Variants in HNRNPUL2 observed in about 807,000 individuals in gnomAD.
HNRNPUL2 encodes heterogeneous nuclear ribonucleoprotein U like 2, also known as heterogeneous nuclear ribonucleoprotein U-like protein 2.
A neutral mutation model predicts 102.2 loss-of-function variants in HNRNPUL2; 27 were observed. The observed-to-expected ratio is 0.26, with a 90% CI of 0.19 to 0.36. The LOEUF is 0.36. Among genes scored for constraint, HNRNPUL2 ranks in the 10% least tolerant of loss-of-function variants. HNRNPUL2 has a pLI of 1.00. For missense variants in HNRNPUL2, 936 were observed against 981.1 expected (o/e 0.95, Z 0.61); for synonymous variants, 458 against 387.2 (o/e 1.18, Z -2.15).
In HNRNPUL2 at chr11:62,726,660, G is replaced by A. The variant is rs780595579; in HGVS notation, c.497C>T (p.Pro166Leu). The A allele has an allele frequency of 7.5e-6, 12 of 1,598,388 alleles. No individual in the cohort carries two copies. Among genetic ancestry groups the A allele is most frequent in the East Asian group, 6.7e-5 (3 of 44,738 alleles). Residue 166 changes from proline (P) to leucine (L), a missense_variant, in exon 1 of 14, where the codon CCG (proline) becomes CTG (leucine). Physicochemically the swap from Pro to Leu is moderately conservative, Grantham distance 98. This residue lies in a region of HNRNPUL2 where 327 missense variants were observed against 268.1 expected (regional missense o/e 1.22). Coordinates refer to ENST00000301785, the MANE Select transcript of HNRNPUL2 (RefSeq NM_001079559.3). ...EPEERSGDETPGSEVPGDKAA... is the reference protein window; with the variant it reads ...EPEERSGDETLGSEVPGDKAA... ...CTTGTCACCCGGCACCTCGGATCCCGGCGTCTCGTCCCCGCTCCGCTCCTC... is the reference window on the plus strand; with the variant it reads ...CTTGTCACCCGGCACCTCGGATCCCAGCGTCTCGTCCCCGCTCCGCTCCTC...
In HNRNPUL2 at chr11:62,720,078, C is replaced by G. The variant is rs780182599; in HGVS notation, c.1725G>C (p.Leu575Phe). 32 of 1,614,098 alleles carry G rather than the reference C, an allele frequency of 2.0e-5. No individual in the cohort carries two copies. The highest frequency in any genetic ancestry group is 2.7e-5 in the Non-Finnish European group (32 of 1,180,040). Residue 575 changes from leucine (L) to phenylalanine (F), a missense_variant, in exon 10 of 14, where the codon TTG becomes TTC. This residue lies in a region of HNRNPUL2 where 609 missense variants were observed against 713.0 expected (regional missense o/e 0.85). Coordinates refer to ENST00000301785, the MANE Select transcript of HNRNPUL2 (RefSeq NM_001079559.3). The stretch of plus-strand genomic sequence containing the variant: ...CATCATCTCCCTCTACTTCCTTCCT[C>G]AACTCCAGCCTCTTCTTCCAATCTT... ...NEEDWKKRLE[L>F]RKEVEGDDVP... is the part of the protein sequence containing the mutation.
Position 62,713,441 on chromosome 11 carries a change from C to G in HNRNPUL2, c.*1858G>C, listed in dbSNP as rs897485099. 2.0e-5 allele frequency: 3 copies of G among 152,204 alleles called. No homozygotes were observed. The highest frequency in any genetic ancestry group is 4.1e-4 in the South Asian group (2 of 4,828). The allele number at this position is 152,204 out of a possible 1,614,324, so 9.4% of individuals were successfully genotyped here. A position where few individuals can be genotyped will look rare whatever the true frequency, so the allele number is the denominator to read the frequency against. Reference sequence around the variant, plus strand: ...AAAGTTAATGTGTTACAGAAAAATTCATGCAATCACTCCACTGCCACACAG... The same window carrying G: ...AAAGTTAATGTGTTACAGAAAAATTGATGCAATCACTCCACTGCCACACAG... On this transcript the variant is annotated 3_prime_UTR_variant, in exon 14 of 14. Coordinates refer to ENST00000301785, the MANE Select transcript of HNRNPUL2 (RefSeq NM_001079559.3).
rs898526679 is a variant in HNRNPUL2, at chr11:62,714,621, C to G, written c.*678G>C. The G allele has an allele frequency of 6.6e-6, 1 of 152,334 alleles. No homozygotes were observed. Among genetic ancestry groups the G allele is most frequent in the African/African-American group, 2.4e-5 (1 of 41,432 alleles). The allele number at this position is 152,334 out of a possible 1,614,324, so 9.4% of individuals were successfully genotyped here. On this transcript the variant is annotated 3_prime_UTR_variant, in exon 14 of 14. Transcript: ENST00000301785. ...CCTGTAAAATAGAACCACCCACTGGCAGTCTCCATGCCTCAGCCAAACAGC... is the reference window on the plus strand; with the variant it reads ...CCTGTAAAATAGAACCACCCACTGGGAGTCTCCATGCCTCAGCCAAACAGC...
chr11:62,727,371 A>G lies in HNRNPUL2; in HGVS notation c.-215T>C. 1 of 526,444 alleles carries G rather than the reference A, an allele frequency of 1.9e-6. No homozygotes were observed. Among genetic ancestry groups the G allele is most frequent in the East Asian group, 4.4e-5 (1 of 22,914 alleles). The allele number at this position is 526,444 out of a possible 1,614,324, so 32.6% of individuals were successfully genotyped here. On this transcript the variant is annotated 5_prime_UTR_variant, in exon 1 of 14. Coordinates refer to ENST00000301785, the MANE Select transcript of HNRNPUL2 (RefSeq NM_001079559.3). ...TCGTCTCCCCTCCCCCTTTCGGCTC[A>G]CGGAGCCCAAAACAACGCAGCAGGG...
Position 62,722,356 on chromosome 11 carries a change from G to T in HNRNPUL2, c.1120C>A (p.Leu374Ile). The T allele has an allele frequency of 6.2e-7, 1 of 1,613,910 alleles. No individual in the cohort carries two copies. The highest frequency in any genetic ancestry group is 8.5e-7 in the Non-Finnish European group (1 of 1,179,856). ...TCTTCTCCATTCTTGGAGAAGGAAA[G>T]TTCTACTTCTTCAGTCTCAAAATTC... ...FANFETEEVELSFSKNGEDLG... is the reference protein window; with the variant it reads ...FANFETEEVEISFSKNGEDLG... Residue 374 changes from leucine to isoleucine, a missense_variant, in exon 7 of 14, where the codon CTT becomes ATT. This residue lies in a region of HNRNPUL2 where 609 missense variants were observed against 713.0 expected (regional missense o/e 0.85). Transcript: ENST00000301785.
Position 62,717,086 on chromosome 11 carries a change from C to T in HNRNPUL2, c.1884G>A (p.Glu628=), listed in dbSNP as rs1438159552. The change falls in exon 11 of 14, where the codon GAG becomes GAA. Residue 628 remains glutamate (E), a synonymous_variant. Transcript: ENST00000301785. ...CGGAGGGGGGCAGAAGCTTCCTTGC[C>T]TCCTCCTTGTACTTAGTGACAATGG... ...AQPIVTKYKE[E]ARKLLPPSEK... 3.7e-6 allele frequency: 6 copies of T among 1,614,066 alleles called. No individual in the cohort carries two copies. Among genetic ancestry groups the T allele is most frequent in the African/African-American group, 2.7e-5 (2 of 74,918 alleles).
At position 62,723,959 on chromosome 11, in the gene HNRNPUL2, C is replaced by T. The variant is rs1464008833; in HGVS notation, c.706G>A (p.Ala236Thr). 10 of 1,613,934 alleles carry T rather than the reference C, an allele frequency of 6.2e-6. No homozygotes were observed. The highest frequency in any genetic ancestry group is 2.7e-5 in the African/African-American group (2 of 74,928). ...SKSPLPPEEE[A>T]KDEEEDQTLV... ...GTTTGATCCTCCTCCTCATCTTTTG[C>T]CTCTTCTTCAGGAGGCAGTGGAGAC... The change falls in exon 3 of 14, where the codon GCA becomes ACA. Residue 236 changes from alanine (A) to threonine (T), a missense_variant. Physicochemically the swap from Ala to Thr is moderately conservative, Grantham distance 58. Coordinates refer to ENST00000301785, the MANE Select transcript of HNRNPUL2 (RefSeq NM_001079559.3).
chr11:62,715,385 A>G lies in HNRNPUL2; in HGVS notation c.2164-6T>C, dbSNP rs1182270659. On this transcript the variant is annotated splice_polypyrimidine_tract_variant and splice_region_variant and intron_variant, in intron 13 of 13. Coordinates refer to ENST00000301785, the MANE Select transcript of HNRNPUL2 (RefSeq NM_001079559.3). The stretch of plus-strand genomic sequence containing the variant: ...TGGTAGTAGTAACTCTGCCACTAGA[A>G]GAGAGGGAAACCCCATCACTTGGAG... 3 of 1,612,284 alleles carry G rather than the reference A, an allele frequency of 1.9e-6. No homozygotes were observed.
At chr11:62,717,918 T>G (rs1010054925) in intron 10 of HNRNPUL2, among the ~76,000 whole-genome samples, 2 of 152,236 alleles carry the variant, frequency 1.3e-5, no homozygotes, top group African/African-American at 4.8e-5. Context: ...TCTGCCAGTC[T>G]CTGGACGTCA....
At position 62,724,846 on chromosome 11, in the gene HNRNPUL2, T is replaced by C. The variant is rs2083731968; in HGVS notation, c.539-420A>G. 3.9e-5 allele frequency among the ~76,000 whole-genome samples: 6 copies of C among 152,344 alleles called. No individual in the cohort carries two copies. The South Asian group carries it at 1.2e-3, about 32-fold the overall frequency. ...GTTAGTACATATTTTGTAACACTTT[T>C]CCACACCTTCATGATACAGAGAAGC... On this transcript the variant is annotated intron_variant, in intron 1 of 13. Coordinates refer to ENST00000301785, the MANE Select transcript of HNRNPUL2 (RefSeq NM_001079559.3).
At position 62,715,303 on chromosome 11, in the gene HNRNPUL2, C is replaced by G. The variant is rs755048681; in HGVS notation, c.2240G>C (p.Arg747Pro). The change falls in exon 14 of 14, where the codon CGG (arginine) becomes CCG (proline). Residue 747 changes from arginine to proline, a missense_variant. By Grantham distance (103) the Arg-to-Pro change is moderately radical. Around this residue, in one of 2 missense-constraint regions of HNRNPUL2, gnomAD observed 609 missense variants for 713.0 expected, o/e 0.85. Coordinates refer to ENST00000301785, the MANE Select transcript of HNRNPUL2 (RefSeq NM_001079559.3). Reference protein sequence around the residue: ...YRNYYGYQGYR With the variant: ...YRNYYGYQGYP Reference sequence around the variant, plus strand: ...CAGGTGACCATGGCAGGGGCTTCACCGATACCCTTGGTACCCGTAGTAATT... The same window carrying G: ...CAGGTGACCATGGCAGGGGCTTCACGGATACCCTTGGTACCCGTAGTAATT... 3.1e-6 allele frequency: 5 copies of G among 1,611,988 alleles called. No homozygotes were observed. The highest frequency in any genetic ancestry group is 4.2e-6 in the Non-Finnish European group (5 of 1,179,132).
rs1340874572 is a variant in HNRNPUL2, at chr11:62,721,955, G to C, written c.1360-13C>G. 1.2e-6 allele frequency: 2 copies of C among 1,612,662 alleles called. No homozygotes were observed. The highest frequency in any genetic ancestry group is 3.4e-5 in the Admixed American group (2 of 59,510). On this transcript the variant is annotated splice_polypyrimidine_tract_variant and intron_variant, in intron 7 of 13. Coordinates refer to ENST00000301785, the MANE Select transcript of HNRNPUL2 (RefSeq NM_001079559.3). The stretch of plus-strand genomic sequence containing the variant: ...CCATCAGAATCACCTGCAAAAAACA[G>C]AACCAGAAATATAATGAAAAATAAA...
Position 62,724,285 on chromosome 11 carries a change from C to G in HNRNPUL2, c.674+6G>C. The G allele has an allele frequency of 6.2e-7, 1 of 1,614,100 alleles. No individual in the cohort carries two copies. Among genetic ancestry groups the G allele is most frequent in the Non-Finnish European group, 8.5e-7 (1 of 1,179,994 alleles). Reference sequence around the variant, plus strand: ...TCCCTTCAACGAAAGGGACTGTTTCCCTCACCGGCTGTGGTAAGCCTCCTC... The same window carrying G: ...TCCCTTCAACGAAAGGGACTGTTTCGCTCACCGGCTGTGGTAAGCCTCCTC... On this transcript the variant is annotated splice_donor_region_variant and intron_variant, in intron 2 of 13. Transcript: ENST00000301785.
At chr11:62,718,903 G>A (rs1337200809) in intron 10 of HNRNPUL2, among the ~76,000 whole-genome samples, 5 of 150,666 alleles carry the variant, frequency 3.3e-5, no homozygotes, top group East Asian at 2.0e-4. Context: ...CCAGCTCACC[G>A]CAAACTCTGC....
At position 62,724,321 on chromosome 11, in the gene HNRNPUL2, T is replaced by C. The variant is rs1406999643; in HGVS notation, c.644A>G (p.Tyr215Cys). The C allele has an allele frequency of 2.5e-6, 4 of 1,614,086 alleles. No individual in the cohort carries two copies. Among genetic ancestry groups the C allele is most frequent in the African/African-American group, 1.3e-5 (1 of 74,922 alleles). ...GTGGTAAGCCTCCTCTCGGAATTCA[T>C]AGTAAGCTCGGCCATGTTCATCCTT... ...DEKDEHGRAY[Y>C]EFREEAYHSR... Residue 215 changes from tyrosine (Y) to cysteine (C), a missense_variant, in exon 2 of 14, where the codon TAT (tyrosine) becomes TGT (cysteine). Physicochemically the swap from Tyr to Cys is radical, Grantham distance 194. Coordinates refer to ENST00000301785, the MANE Select transcript of HNRNPUL2 (RefSeq NM_001079559.3).
chr11:62,721,859 G>A lies in HNRNPUL2; in HGVS notation c.1443C>T (p.Tyr481=). The A allele has an allele frequency of 6.2e-7, 1 of 1,614,136 alleles. No homozygotes were observed. Among genetic ancestry groups the A allele is most frequent in the Non-Finnish European group, 8.5e-7 (1 of 1,180,008 alleles). ...KYAKENPEKR[Y]NVLGAETVLN... ...GCACAGTCTCAGCTCCCAGGACATTGTATCTTTTCTCAGGGTTTTCTTTTG... is the reference window on the plus strand; with the variant it reads ...GCACAGTCTCAGCTCCCAGGACATTATATCTTTTCTCAGGGTTTTCTTTTG... The change falls in exon 8 of 14, where the codon TAC becomes TAT. Residue 481 remains tyrosine, a synonymous_variant. Transcript: ENST00000301785.
In HNRNPUL2 at chr11:62,713,145, C is replaced by T. The variant is rs2083632088; in HGVS notation, c.*2154G>A. The T allele has an allele frequency of 1.3e-5, 2 of 152,120 alleles. No homozygotes were observed. The highest frequency in any genetic ancestry group is 6.6e-5 in the Admixed American group (1 of 15,266). 9.4% of individuals were successfully genotyped at this position (152,120 alleles called of 1,614,324 possible). ...TCAAATATCAACAGCGAGTACCTCC[C>T]CTAACCCCTGCTGGAAAAAAACTCA... On this transcript the variant is annotated 3_prime_UTR_variant, in exon 14 of 14. Coordinates refer to ENST00000301785, the MANE Select transcript of HNRNPUL2 (RefSeq NM_001079559.3).
rs1291424876 is a variant in HNRNPUL2 at position 62,727,405 on chromosome 11, C to T, written c.-249G>A. The T allele has an allele frequency of 8.0e-6, 3 of 377,266 alleles. No homozygotes were observed. Among genetic ancestry groups the T allele is most frequent in the Non-Finnish European group, 1.3e-5 (3 of 229,966 alleles). The allele number at this position is 377,266 out of a possible 1,614,324, so 23.4% of individuals were successfully genotyped here. ...AAAACAACGCAGCAGGGAGCTGTTTCCCCTCCAGGCCCTTGGTTCCCCAGC... is the reference window on the plus strand; with the variant it reads ...AAAACAACGCAGCAGGGAGCTGTTTTCCCTCCAGGCCCTTGGTTCCCCAGC... On this transcript the variant is annotated 5_prime_UTR_variant, in exon 1 of 14. Coordinates refer to ENST00000301785, the MANE Select transcript of HNRNPUL2 (RefSeq NM_001079559.3).
intron 12 of HNRNPUL2, 77 bp from the exon 13 acceptor site, chr11:62,715,684 G>A (rs2134767441): frequency 2.6e-6 from 3 of 1,165,572 alleles, no homozygotes; most frequent in South Asian, 2.4e-5. Flanking sequence ...CCTTTTAAAT[G>A]CGACACATCT....
Sources: allele counts gnomAD v4.1 joint callset (sites outside exome capture counted in the v4.1 genomes callset), GRCh38; gene constraint gnomAD v4.1.1; regional missense constraint gnomAD v4.1.1; transcripts MANE v1.5; gene names NCBI Gene and HGNC (gene_info 2026-07-23, HGNC 2026-07-21).